TASP1: variants seen among roughly 807,000 people sequenced by gnomAD.
TASP1 encodes the protein threonine aspartase 1.
Under a neutral mutation model 56.6 loss-of-function variants are expected in TASP1, and 16 were observed. The observed-to-expected ratio is 0.28, with a 90% confidence interval of 0.19 to 0.43. The LOEUF (loss-of-function observed/expected upper bound fraction) is 0.43. Ranked by LOEUF, TASP1 falls within the 20% of genes least tolerant of loss-of-function variation. TASP1 has a pLI of 1.00. For synonymous variants in TASP1, 179 were observed against 184.2 expected (o/e 0.97, Z 0.23); for missense variants, 393 against 511.6 (o/e 0.77, Z 2.24).
At chr20:13,360,369 G>T in the TASP1 span, among the ~76,000 whole-genome samples, 1 of 151,342 alleles carries the variant, frequency 6.6e-6, no homozygotes, top group Admixed American at 6.6e-5. Context: ...TTCCTCATCT[G>T]TTACCTATCT....
chr20:13,310,968 T>C, the TASP1 span, among the ~76,000 whole-genome samples: 1 of 152,006 alleles, frequency 6.6e-6, no homozygotes, highest in Non-Finnish European at 1.5e-5. Flanking sequence ...CTGAGGCGAG[T>C]GGATCACCTG....
chr20:13,175,944 A>T, the TASP1 span, among the ~76,000 whole-genome samples: 1 of 152,216 alleles, frequency 6.6e-6, no homozygotes, highest in African/African-American at 2.4e-5. Flanking sequence ...ATGATTAAAG[A>T]TATAAAGAAT....
the TASP1 span, chr20:13,160,165 A>G: frequency 1.1e-5 from 18 of 1,584,780 alleles, no homozygotes; most frequent in African/African-American, 1.7e-4. Flanking sequence ...GGATCTCAGT[A>G]CCAGTACCTT....
the TASP1 span, among the ~76,000 whole-genome samples, chr20:13,359,665 A>C: frequency 6.8e-6 from 1 of 147,564 alleles, no homozygotes; most frequent in East Asian, 1.9e-4. Flanking sequence ...GCCAACTTAG[A>C]CAATACTCTT....
intron 11 of TASP1, among the ~76,000 whole-genome samples, chr20:13,440,155 A>G (rs1327973460): frequency 6.6e-6 from 1 of 152,192 alleles, no homozygotes; most frequent in Non-Finnish European, 1.5e-5. Context: ...TGCTGAGGAA[A>G]AATTATTTCC....
chr20:13,482,480 T>G (rs1421710668), intron 11 of TASP1, among the ~76,000 whole-genome samples: 1 of 152,174 alleles, frequency 6.6e-6, no homozygotes, highest in Non-Finnish European at 1.5e-5. Context: ...CATTGAATCT[T>G]TGGACTGCTT....
At chr20:13,458,434 G>A (rs1428333776) in intron 11 of TASP1, among the ~76,000 whole-genome samples, 3 of 152,042 alleles carry the variant, frequency 2.0e-5, no homozygotes, top group Non-Finnish European at 4.4e-5. Flanking sequence ...TGCAACCTCT[G>A]CCTTCTGGGT....
the TASP1 span, among the ~76,000 whole-genome samples, chr20:13,383,807 G>A: frequency 1.8e-4 from 27 of 152,212 alleles, no homozygotes; most frequent in Non-Finnish European, 3.8e-4. Flanking sequence ...GTTACGTTAA[G>A]CTCAATTTAC....
At chr20:13,112,940 C>T in the TASP1 span, among the ~76,000 whole-genome samples, 26 of 152,210 alleles carry the variant, frequency 1.7e-4, no homozygotes, top group East Asian at 4.8e-3. Context: ...CCTATCACTT[C>T]GGGAGACCAA....
the TASP1 span, among the ~76,000 whole-genome samples, chr20:13,344,230 G>T: frequency 1.3e-5 from 2 of 152,004 alleles, no homozygotes; most frequent in East Asian, 3.9e-4. Flanking sequence ...AAGCTCTAGG[G>T]GACAGTCTTA....
At chr20:13,225,217 A>C in the TASP1 span, among the ~76,000 whole-genome samples, 6 of 152,080 alleles carry the variant, frequency 3.9e-5, no homozygotes, top group Non-Finnish European at 8.8e-5. Context: ...TCCCTGTTTC[A>C]AAAGGAGAAA....
intron 10 of TASP1, among the ~76,000 whole-genome samples, chr20:13,503,299 G>A (rs1257967971): frequency 1.3e-5 from 2 of 152,032 alleles, no homozygotes; most frequent in African/African-American, 4.8e-5. Context: ...TGACCCCATG[G>A]ATGGCAAATA....
At chr20:13,396,865 G>A (rs2041560671) in intron 13 of TASP1, among the ~76,000 whole-genome samples, 1 of 152,172 alleles carries the variant, frequency 6.6e-6, no homozygotes, top group Non-Finnish European at 1.5e-5. Flanking sequence ...GATATATACA[G>A]GGCAAAAAGT....
At chr20:13,478,240 A>G (rs192448409) in intron 11 of TASP1, among the ~76,000 whole-genome samples, 42 of 152,198 alleles carry the variant, frequency 2.8e-4, no homozygotes, top group Non-Finnish European at 2.4e-4. Context: ...AAGGAAAATC[A>G]TTACACAAAA....
intron 11 of TASP1, among the ~76,000 whole-genome samples, chr20:13,463,734 A>G (rs1168167119): frequency 6.6e-6 from 1 of 152,186 alleles, no homozygotes; most frequent in Non-Finnish European, 1.5e-5. Context: ...AATGGCCAAT[A>G]AGCACATGAA....
intron 4 of TASP1, among the ~76,000 whole-genome samples, chr20:13,598,852 C>G (rs951622531): frequency 3.3e-5 from 5 of 151,976 alleles, no homozygotes; most frequent in Non-Finnish European, 1.5e-5. Flanking sequence ...AAAACCCCAT[C>G]AAAAAGTAGG....
chr20:13,195,726 C>G, the TASP1 span, among the ~76,000 whole-genome samples: 2 of 152,168 alleles, frequency 1.3e-5, no homozygotes, highest in Non-Finnish European at 2.9e-5. Context: ...CAAATGAAGA[C>G]ATAGAACAAA....
chr20:13,317,795 A>G, the TASP1 span, among the ~76,000 whole-genome samples: 1 of 152,158 alleles, frequency 6.6e-6, no homozygotes, highest in South Asian at 2.1e-4. Flanking sequence ...TTAACTCAAA[A>G]TGAATCATAG....
At chr20:13,346,984 G>A in the TASP1 span, among the ~76,000 whole-genome samples, 4 of 152,176 alleles carry the variant, frequency 2.6e-5, no homozygotes, top group Non-Finnish European at 5.9e-5. Flanking sequence ...ATTATGTACC[G>A]ACAAGCAATA....
Sources: allele counts gnomAD v4.1 joint callset (sites outside exome capture counted in the v4.1 genomes callset), GRCh38; gene constraint gnomAD v4.1.1; transcripts MANE v1.5; gene names NCBI Gene and HGNC (gene_info 2026-07-23, HGNC 2026-07-21).